The following CEP72 variants were observed in gnomAD, a reference collection of about 807,000 sequenced individuals.
The protein encoded by CEP72 is centrosomal protein of 72 kDa.
Under a neutral mutation model 65.7 loss-of-function variants are expected in CEP72, and 78 were observed. That is an observed-to-expected ratio of 1.19 (90% CI 0.99 to 1.43). The LOEUF (loss-of-function observed/expected upper bound fraction) is 1.43. Ranked by LOEUF, CEP72 falls within the 40% of genes most tolerant of loss-of-function variation. The pLI, the probability that CEP72 is intolerant of heterozygous loss-of-function variation, is 0.00. For synonymous variants in CEP72, 358 were observed against 351.7 expected, an observed-to-expected ratio of 1.02 and a Z score of -0.20; for missense variants, 914 against 832.9, an observed-to-expected ratio of 1.10 and a Z score of -1.20.
chr5:625,439 C>T (rs1429237373), intron 4 of CEP72, among the ~76,000 whole-genome samples: 1 of 152,246 alleles, frequency 6.6e-6, no homozygotes. Flanking sequence ...TGCGTGACCT[C>T]TGTCCCATCT....
chr5:673,167 AC>A, the CEP72 span, among the ~76,000 whole-genome samples: 1 of 149,206 alleles, frequency 6.7e-6, no homozygotes, highest in Non-Finnish European at 1.5e-5. Context: ...AGCAACTCCC[AC>A]AGGCCCGCCG....
At chr5:642,451 G>A (rs1738118993) in intron 9 of CEP72, 3 of 985,492 alleles carry the variant, frequency 3.0e-6, no homozygotes, top group African/African-American at 1.7e-5. Context: ...TGAGCTGGGC[G>A]CCGTCACTGA....
rs1737833216 is a variant in CEP72, at chr5:639,187, CG to C, written c.1307del (p.Gly436AlafsTer64). 2 of 1,606,032 alleles carry C rather than the reference CG, an allele frequency of 1.2e-6. No homozygotes were observed. The highest frequency in any genetic ancestry group is 1.7e-6 in the Non-Finnish European group (2 of 1,175,026). ...LLDLVDRSWGGCRSLHSNEAF... is the reference protein window; with the variant it reads ...LLDLVDRSWGXCRSLHSNEAF... The stretch of plus-strand genomic sequence containing the variant: ...TGGACCTGGTGGACAGGAGCTGGGG[CG>C]GCTGCAGGTCCCTGCACAGCAACGA... On this transcript the variant is annotated frameshift_variant, in exon 8 of 12. Coordinates refer to ENST00000264935, the MANE Select transcript of CEP72 (RefSeq NM_018140.4). LOFTEE classifies it high-confidence loss of function.
chr5:637,937 A>G (rs534840429), intron 7 of CEP72, 119 bp downstream of exon 7: 24 of 1,003,970 alleles, frequency 2.4e-5, no homozygotes, highest in Non-Finnish European at 3.2e-5. Flanking sequence ...TCCCTGATGC[A>G]GGGCTGTTAC....
In CEP72 at chr5:649,756, T is replaced by G. The variant is rs1296459218; in HGVS notation, c.1778+1840T>G. On this transcript the variant is annotated intron_variant, in intron 11 of 11. Coordinates refer to ENST00000264935, the MANE Select transcript of CEP72 (RefSeq NM_018140.4). ...GGACTGTGAGGCGTGGACTGTGAGG[T>G]GTGACTGTGAGGCGTGGACTGTGAG... Among the ~76,000 whole-genome samples the G allele has an allele frequency of 9.3e-5, 4 of 43,124 alleles. 1 individual carries two copies. Among genetic ancestry groups the G allele is most frequent in the Non-Finnish European group, 1.2e-4 (3 of 24,002 alleles). The allele number at this position is 43,124 out of a possible 152,430, so 28.3% of individuals were successfully genotyped here.
chr5:667,413 AAACT>A (rs1215290711), downstream of CEP72, among the ~76,000 whole-genome samples: 3 of 152,306 alleles, frequency 2.0e-5, no homozygotes, highest in South Asian at 2.1e-4. Flanking sequence ...ACTATATACA[AAACT>A]AACTCAAAAT....
intron 7 of CEP72, among the ~76,000 whole-genome samples, chr5:638,781 C>T (rs539535896): frequency 8.5e-5 from 13 of 152,260 alleles, no homozygotes; most frequent in Non-Finnish European, 1.6e-4. Context: ...CTGACTGCGG[C>T]CTGGATGTGT....
downstream of CEP72, chr5:660,707 C>T (rs1334173730): frequency 6.6e-6 from 1 of 152,344 alleles, no homozygotes; most frequent in Non-Finnish European, 1.5e-5. Flanking sequence ...GCAGGAGCCA[C>T]AGGCCTGTGT....
rs867341296 is a variant in CEP72, at chr5:612,429, C to A, written c.68C>A (p.Pro23His). 2 of 1,465,870 alleles carry A rather than the reference C, an allele frequency of 1.4e-6. No homozygotes were observed. Among genetic ancestry groups the A allele is most frequent in the African/African-American group, 1.5e-5 (1 of 68,160 alleles). 90.8% of individuals were successfully genotyped at this position (1,465,870 alleles called of 1,614,324 possible). A position where few individuals can be genotyped will look rare whatever the true frequency, so the allele number is the denominator to read the frequency against. ...EAVRAKSGLG[P>H]HRDLAELQSL... ...GTTCGGGCGAAGAGCGGCTTAGGGC[C>A]TCACCGCGACCTGGGTGCGCCGGAG... Residue 23 changes from proline to histidine, a missense_variant, in exon 1 of 12, where the codon CCT (proline) becomes CAT (histidine). Physicochemically the swap from Pro to His is moderately conservative, Grantham distance 77. Transcript: ENST00000264935.
chr5:654,206 A>AGCTGTGTGTGCGCTT (rs1424019747), downstream of CEP72, among the ~76,000 whole-genome samples: 1 of 123,962 alleles, frequency 8.1e-6, no homozygotes, highest in Admixed American at 8.4e-5. Context: ...TGTGCATGCT[A>AGCTGTGTGTGCGCTT]GCTGTGTGTG....
At chr5:636,305 T>G (rs1202824699) in intron 6 of CEP72, among the ~76,000 whole-genome samples, 2 of 152,270 alleles carry the variant, frequency 1.3e-5, no homozygotes, top group Non-Finnish European at 2.9e-5. Context: ...ATGGTTTAGA[T>G]TCATGGTTGG....
intron 4 of CEP72, among the ~76,000 whole-genome samples, chr5:628,322 C>T (rs746712727): frequency 9.9e-5 from 15 of 152,230 alleles, no homozygotes; most frequent in African/African-American, 2.2e-4. Flanking sequence ...AGGTGGGGGA[C>T]GCCCAAGGAA....
downstream of CEP72, among the ~76,000 whole-genome samples, chr5:670,184 C>CGGA (rs564208671): frequency 3.3e-4 from 51 of 152,290 alleles, no homozygotes; most frequent in East Asian, 8.7e-3. Flanking sequence ...AGGACTGAGG[C>CGGA]CTGTTCCTCC....
At chr5:649,990 G>A (rs1375850013) in intron 11 of CEP72, among the ~76,000 whole-genome samples, 4 of 121,762 alleles carry the variant, frequency 3.3e-5, no homozygotes, top group Non-Finnish European at 7.0e-5. Context: ...ACTGTGAGGC[G>A]TGGACTGTGA....
chr5:619,427 A>G (rs1736231312), intron 2 of CEP72, among the ~76,000 whole-genome samples: 1 of 152,168 alleles, frequency 6.6e-6, no homozygotes, highest in South Asian at 2.1e-4. Context: ...CTGGAGAGAG[A>G]TGCCTAGGTG....
At chr5:658,669 T>G (rs1220743565), downstream of CEP72, among the ~76,000 whole-genome samples, 44 of 76,688 alleles carry the variant, frequency 5.7e-4, 1 homozygote, top group African/African-American at 2.4e-3. Context: ...TTTTTTTTTT[T>G]TTTTTTTTTT....
intron 2 of CEP72, chr5:663,626 TCGGGGAGG>T (rs3833633): frequency 0.2 from 29,890 of 151,632 alleles, 3,943 homozygotes; most frequent in African/African-American, 0.38. Flanking sequence ...CTCTTGGGAG[TCGGGGAGG>T]CGGGTGGTGC....
intron 2 of CEP72, chr5:665,063 C>G (rs564482827): frequency 6.3e-7 from 1 of 1,589,566 alleles, no homozygotes; most frequent in South Asian, 1.1e-5. Context: ...AGTCCCTGCT[C>G]TGGGGACACC....
At chr5:666,451 A>C (rs1243060312) in intron 4 of CEP72, among the ~76,000 whole-genome samples, 5 of 152,184 alleles carry the variant, frequency 3.3e-5, no homozygotes, top group Admixed American at 2.6e-4. Context: ...AGCCCCGCCC[A>C]GCTGCGCCGG....
Sources: gnomAD v4.1 joint callset for allele counts (sites outside exome capture counted in the v4.1 genomes callset) on GRCh38, gnomAD v4.1.1 for gene constraint, MANE v1.5 for transcripts, NCBI Gene and HGNC (gene_info 2026-07-23, HGNC 2026-07-21) for gene names.